The following RAF1 variants were observed in gnomAD, a reference collection of about 807,000 sequenced individuals.
RAF1 encodes the protein RAF proto-oncogene serine/threonine-protein kinase.
A neutral mutation model predicts 81.1 loss-of-function variants in RAF1; 27 were observed. The observed-to-expected ratio is 0.33, with a 90% CI of 0.25 to 0.46. The LOEUF (loss-of-function observed/expected upper bound fraction) is 0.46. Ranked by LOEUF, RAF1 falls within the 20% of genes least tolerant of loss-of-function variation. The pLI, the probability that RAF1 is intolerant of heterozygous loss-of-function variation, is 1.00. For missense variants in RAF1, 598 were observed against 826.0 expected (o/e 0.72, Z 3.38); for synonymous variants, 298 against 294.0 (o/e 1.01, Z -0.14).
rs1049252093 is a variant in RAF1 at position 12,658,872 on chromosome 3, T to C, written c.-27+4941A>G. Reference sequence around the variant, plus strand: ...TGTGAGTAATTTGCCAAACTTTAGATAGTCTAGGCCAAAACCACTAACAAA... The same window carrying C: ...TGTGAGTAATTTGCCAAACTTTAGACAGTCTAGGCCAAAACCACTAACAAA... On this transcript the variant is annotated intron_variant, in intron 1 of 17. Transcript: ENST00000442415. Among the ~76,000 whole-genome samples, 9 of 152,146 alleles carry C rather than the reference T, an allele frequency of 5.9e-5. No homozygotes were observed. The East Asian group carries it at 1.2e-3, about 20-fold the overall frequency.
rs753744259 is a variant in RAF1 at position 12,585,245 on chromosome 3, C to T, written c.1605G>A (p.Glu535=). The T allele has an allele frequency of 6.2e-7, 1 of 1,614,122 alleles. No homozygotes were observed. The highest frequency in any genetic ancestry group is 1.7e-5 in the Admixed American group (1 of 60,012). ...GGTTGTTATCCTGCATTCGGATCAC[C>T]TCTGGGGCCTACATGTATCACCATA... The change falls in exon 16 of 18, where the codon GAG becomes GAA. Residue 535 remains glutamate (E), a synonymous_variant. Coordinates refer to ENST00000442415, the MANE Select transcript of RAF1 (RefSeq NM_001354689.3).
At chr3:12,594,128 G>C (rs2058613241) in intron 11 of RAF1, among the ~76,000 whole-genome samples, 1 of 152,182 alleles carries the variant, frequency 6.6e-6, no homozygotes, top group African/African-American at 2.4e-5. Flanking sequence ...AGGGAGACCA[G>C]AGAGGAATCT....
At chr3:12,607,588 C>T (rs922708153) in intron 5 of RAF1, among the ~76,000 whole-genome samples, 1 of 152,036 alleles carries the variant, frequency 6.6e-6, no homozygotes, top group Non-Finnish European at 1.5e-5. Flanking sequence ...GTCGAGGCTA[C>T]AGTGAGCTGT....
intron 1 of RAF1, among the ~76,000 whole-genome samples, chr3:12,624,274 A>C (rs2059633761): frequency 4.6e-5 from 7 of 152,240 alleles, no homozygotes; most frequent in Admixed American, 3.3e-4. Context: ...GAAGAGAGGT[A>C]CAACTCTAAC....
rs2125319398 is a variant in RAF1, at chr3:12,584,877, T to C, written c.1833A>G (p.Lys611=). 1.2e-6 allele frequency: 2 copies of C among 1,614,220 alleles called. No homozygotes were observed. The highest frequency in any genetic ancestry group is 1.7e-6 in the Non-Finnish European group (2 of 1,180,036). ...GAAAAAGAGGCCTCTCTTCCTTTAC[T>C]TTCTTCACACAGTCAGCTACCAGCC... The change falls in exon 17 of 18, where the codon AAA becomes AAG. Residue 611 remains lysine, a synonymous_variant. Transcript: ENST00000442415.
rs1240899335 is a variant in RAF1 at position 12,584,613 on chromosome 3, G to C, written c.1908C>G (p.Ile636Met). 6.2e-7 allele frequency: 1 copy of C among 1,614,090 alleles called. No homozygotes were observed. ...AGGATGGCTCGGAAGCGCTCCGGTT[G>C]ATCTTCGGTAGAGAGTGTTGGAGCA... is the stretch of plus-strand genomic sequence containing the variant. The change falls in exon 18 of 18, where the codon ATC becomes ATG. Residue 636 changes from isoleucine (I) to methionine (M), a missense_variant. Transcript: ENST00000442415.
chr3:12,631,502 A>G (rs1345846121), intron 1 of RAF1, among the ~76,000 whole-genome samples: 2 of 152,130 alleles, frequency 1.3e-5, no homozygotes, highest in African/African-American at 4.8e-5. Context: ...GGAAGGCTGA[A>G]GCAGGAGAAT....
At chr3:12,637,739 G>A (rs1378161162) in intron 1 of RAF1, among the ~76,000 whole-genome samples, 1 of 151,752 alleles carries the variant, frequency 6.6e-6, no homozygotes, top group Non-Finnish European at 1.5e-5. Context: ...TGAAATCCCA[G>A]CTACTCGGAA....
At chr3:12,600,362 T>C (rs1386216448) in intron 9 of RAF1, 26 bp downstream of exon 8, 3 of 1,614,166 alleles carry the variant, frequency 1.9e-6, no homozygotes, top group Non-Finnish European at 2.5e-6. Context: ...CCCATTATTG[T>C]TGGCTAAATG....
rs573463960 is a variant in RAF1, at chr3:12,646,794, C to A, written c.-27+17019G>T. Among the ~76,000 whole-genome samples, 237 of 151,836 alleles carry A rather than the reference C, an allele frequency of 1.6e-3. 2 individuals are homozygous for A. The highest frequency in any genetic ancestry group is 5.3e-3 in the African/African-American group (221 of 41,446). On this transcript the variant is annotated intron_variant, in intron 1 of 17. Transcript: ENST00000442415. ...TCAAACTCCTGACCTCAGGAGCCACCTGCCTCAGCCTCCCAAAACGCTGGG... is the reference window on the plus strand; with the variant it reads ...TCAAACTCCTGACCTCAGGAGCCACATGCCTCAGCCTCCCAAAACGCTGGG...
At chr3:12,601,979 C>G (rs933149709) in intron 8 of RAF1, among the ~76,000 whole-genome samples, 1 of 152,190 alleles carries the variant, frequency 6.6e-6, no homozygotes, top group African/African-American at 2.4e-5. Context: ...CAATAGAAAT[C>G]GGCAGCTGTA....
At chr3:12,645,332 C>T (rs2060312387) in intron 1 of RAF1, among the ~76,000 whole-genome samples, 1 of 152,072 alleles carries the variant, frequency 6.6e-6, no homozygotes, top group Admixed American at 6.6e-5. Context: ...TCTCACAGAA[C>T]TGTTAGAATT....
At position 12,584,364 on chromosome 3, in the gene RAF1, T is replaced by C. The variant is rs1460234928; in HGVS notation, c.*150A>G. On this transcript the variant is annotated 3_prime_UTR_variant, in exon 18 of 18. Transcript: ENST00000442415. ...CAAAGGGATAGAAAAGAAGGCAACA[T>C]GAAGTTAAGGCCCTGTGAGCAGTCT... The C allele has an allele frequency of 1.0e-6, 1 of 953,314 alleles. No homozygotes were observed. Among genetic ancestry groups the C allele is most frequent in the Non-Finnish European group, 1.6e-6 (1 of 627,724 alleles). 59.1% of individuals were successfully genotyped at this position (953,314 alleles called of 1,614,324 possible).
chr3:12,600,852 G>A (rs2058840814), intron 8 of RAF1, among the ~76,000 whole-genome samples: 1 of 152,178 alleles, frequency 6.6e-6, no homozygotes, highest in South Asian at 2.1e-4. Flanking sequence ...GTGAGCCACC[G>A]TGCCAAGCCT....
At chr3:12,604,024 G>T in intron 7 of RAF1, 112 bp downstream of exon 7, 1 of 1,224,560 alleles carries the variant, frequency 8.2e-7, no homozygotes. Context: ...CCAGAGACCT[G>T]AGAAAGTGTT....
chr3:12,586,786 TA>T (rs1232666969), intron 14 of RAF1: 1 of 152,220 alleles, frequency 6.6e-6, no homozygotes, highest in Non-Finnish European at 1.5e-5. Context: ...TCTCCTCTTC[TA>T]ATAGTGACTT....
intron 1 of RAF1, among the ~76,000 whole-genome samples, chr3:12,636,502 A>C (rs2060036901): frequency 6.6e-6 from 1 of 151,820 alleles, no homozygotes; most frequent in African/African-American, 2.4e-5. Context: ...GCTCAAAAAA[A>C]AAAAGGGACA....
In RAF1 at chr3:12,587,493, T is replaced by A. The variant is rs1025784674; in HGVS notation, c.1477+98A>T. ...CTCTGCCTCTTTCCTTAAAAAGATA[T>A]CCCCTGGCACCGAGAGCCACTTGTG... On this transcript the variant is annotated intron_variant, in intron 14 of 17. Coordinates refer to ENST00000442415, the MANE Select transcript of RAF1 (RefSeq NM_001354689.3). 23 of 1,129,940 alleles carry A rather than the reference T, an allele frequency of 2.0e-5. No homozygotes were observed. The South Asian group carries it at 2.8e-4, about 14-fold the overall frequency. The allele number at this position is 1,129,940 out of a possible 1,614,324, so 70.0% of individuals were successfully genotyped here.
chr3:12,593,094 C>A (rs1206816951), intron 11 of RAF1, among the ~76,000 whole-genome samples: 1 of 120,890 alleles, frequency 8.3e-6, no homozygotes, highest in Non-Finnish European at 1.8e-5. Context: ...CTTCCTCCTT[C>A]CTTTTTTTTT....
Sources: gnomAD v4.1 joint callset for allele counts (sites outside exome capture counted in the v4.1 genomes callset) on GRCh38, gnomAD v4.1.1 for gene constraint, MANE v1.5 for transcripts, NCBI Gene and HGNC (gene_info 2026-07-23, HGNC 2026-07-21) for gene names.